Variants in PCDHGA5 observed in about 807,000 individuals in gnomAD.
PCDHGA5 encodes protocadherin gamma subfamily A, 5.
PCDHGA5 carries 36 observed loss-of-function variants against 56.7 expected under a neutral mutation model. That is an observed-to-expected ratio of 0.64 (90% confidence interval 0.49 to 0.84). PCDHGA5 has a LOEUF of 0.84. Ranked by LOEUF, PCDHGA5 falls within the 40% of genes least tolerant of loss-of-function variation. The pLI is 0.00. For missense variants in PCDHGA5, 1,305 were observed against 1,201.5 expected (o/e 1.09, Z -1.27); for synonymous variants, 563 against 520.2 (o/e 1.08, Z -1.12).
intron 1 of PCDHGA5, chr5:141,410,427 A>G (rs746046310): frequency 1.4e-5 from 22 of 1,613,832 alleles, no homozygotes; most frequent in East Asian, 1.1e-4. Flanking sequence ...GTTCCCCCCA[A>G]CTACAGTGAG....
At chr5:141,433,208 CTT>C (rs745329085) in intron 1 of PCDHGA5, 289 of 1,287,502 alleles carry the variant, frequency 2.2e-4, no homozygotes, top group South Asian at 2.8e-4. Context: ...AATCTTCTTT[CTT>C]TTTTTTTTTT....
At position 141,476,786 on chromosome 5, in the gene PCDHGA5, C is replaced by G. The variant is rs2099398607; in HGVS notation, c.2422-18021C>G. 3.1e-6 allele frequency: 5 copies of G among 1,613,444 alleles called. No individual in the cohort carries two copies. The highest frequency in any genetic ancestry group is 1.7e-5 in the Admixed American group (1 of 60,000). ...GGCGTTGGACGGAGGGACCCCAGCTCTCTCCGCCAGCCTGCCTATTCACAT... is the reference window on the plus strand; with the variant it reads ...GGCGTTGGACGGAGGGACCCCAGCTGTCTCCGCCAGCCTGCCTATTCACAT... On this transcript the variant is annotated intron_variant, in intron 1 of 3. Coordinates refer to ENST00000518069, the MANE Select transcript of PCDHGA5 (RefSeq NM_018918.3). The surrounding 1 kb of genome is among the most constrained non-coding windows in gnomAD (Gnocchi z 7.6).
At position 141,490,356 on chromosome 5, in the gene PCDHGA5, T is replaced by C. The variant is rs771968534; in HGVS notation, c.2422-4451T>C. ...CAGTGGGCACAGTAGTGGGGTTGTT[T>C]AATGTGCGAGACCGGGACTCAGGTA... On this transcript the variant is annotated intron_variant, in intron 1 of 3. Coordinates refer to ENST00000518069, the MANE Select transcript of PCDHGA5 (RefSeq NM_018918.3). The surrounding 1 kb of genome is among the most constrained non-coding windows in gnomAD (Gnocchi z 5.4). 1.4e-5 allele frequency: 23 copies of C among 1,614,084 alleles called. No individual in the cohort carries two copies. Among genetic ancestry groups the C allele is most frequent in the Non-Finnish European group, 1.9e-5 (22 of 1,180,038 alleles).
chr5:141,487,810 C>G lies in PCDHGA5; in HGVS notation c.2422-6997C>G, dbSNP rs377060474. ...ATTAACCAGAGTTGTCACAGTTTAGCATTGGGGGCGGGTCATGCCTATATC... is the reference window on the plus strand; with the variant it reads ...ATTAACCAGAGTTGTCACAGTTTAGGATTGGGGGCGGGTCATGCCTATATC... On this transcript the variant is annotated intron_variant, in intron 1 of 3. Coordinates refer to ENST00000518069, the MANE Select transcript of PCDHGA5 (RefSeq NM_018918.3). The surrounding 1 kb of genome is among the most constrained non-coding windows in gnomAD (Gnocchi z 5.0). 7.1e-7 allele frequency: 1 copy of G among 1,417,854 alleles called. No homozygotes were observed. The highest frequency in any genetic ancestry group is 2.1e-5 in the Admixed American group (1 of 47,076). The allele number at this position is 1,417,854 out of a possible 1,614,324, so 87.8% of individuals were successfully genotyped here.
At position 141,485,709 on chromosome 5, in the gene PCDHGA5, C is replaced by A. The variant is rs2099618118; in HGVS notation, c.2422-9098C>A. On this transcript the variant is annotated intron_variant, in intron 1 of 3. Transcript: ENST00000518069. This position sits in a 1 kb window ranked among gnomAD's most constrained non-coding sequence, Gnocchi z 5.7. ...AGGCTGAGCTCCAATGAACACTTTGCACTGGATGTGAAGAAGCGCAGCGAC... is the reference window on the plus strand; with the variant it reads ...AGGCTGAGCTCCAATGAACACTTTGAACTGGATGTGAAGAAGCGCAGCGAC... The A allele has an allele frequency of 1.2e-6, 2 of 1,614,128 alleles. No homozygotes were observed. The highest frequency in any genetic ancestry group is 1.7e-6 in the Non-Finnish European group (2 of 1,180,028).
chr5:141,371,427 C>G lies in PCDHGA5; in HGVS notation c.2421+4676C>G, dbSNP rs773502490. The stretch of plus-strand genomic sequence containing the variant: ...TATTTCAGATGAAAATGACAATGCC[C>G]CGGAGATAACCCTGGCTTCTGAATC... On this transcript the variant is annotated intron_variant, in intron 1 of 3. Transcript: ENST00000518069. 1.9e-6 allele frequency: 3 copies of G among 1,613,898 alleles called. No homozygotes were observed. Among genetic ancestry groups the G allele is most frequent in the South Asian group, 2.2e-5 (2 of 91,072 alleles).
intron 1 of PCDHGA5, among the ~76,000 whole-genome samples, chr5:141,444,229 T>G (rs957213677): frequency 4.6e-5 from 6 of 130,226 alleles, no homozygotes; most frequent in Admixed American, 9.4e-5. Context: ...TGGAGTGCAA[T>G]GGCATGCTCT....
intron 1 of PCDHGA5, chr5:141,398,937 C>T (rs2093727338): frequency 1.9e-6 from 3 of 1,613,902 alleles, no homozygotes; most frequent in Non-Finnish European, 2.5e-6. Flanking sequence ...CTGACCAAGA[C>T]GAGGGCATCA....
intron 1 of PCDHGA5, among the ~76,000 whole-genome samples, chr5:141,456,946 G>A (rs182320066): frequency 2.3e-4 from 35 of 152,284 alleles, no homozygotes; most frequent in Admixed American, 2.3e-3. Context: ...CTGGGCAACA[G>A]AGCAAAACTC....
rs757876687 is a variant in PCDHGA5 at position 141,413,273 on chromosome 5, G to A, written c.2421+46522G>A. On this transcript the variant is annotated intron_variant, in intron 1 of 3. Coordinates refer to ENST00000518069, the MANE Select transcript of PCDHGA5 (RefSeq NM_018918.3). The stretch of plus-strand genomic sequence containing the variant: ...GGGATTCCATGGGAGGCTGGAGCCC[G>A]GCAGATCTCCTACTCAATTCCTGAG... 4.3e-6 allele frequency: 7 copies of A among 1,613,920 alleles called. No homozygotes were observed. The highest frequency in any genetic ancestry group is 5.9e-6 in the Non-Finnish European group (7 of 1,179,902).
chr5:141,463,927 A>G (rs1454864391), intron 1 of PCDHGA5, among the ~76,000 whole-genome samples: 1 of 152,206 alleles, frequency 6.6e-6, no homozygotes, highest in Non-Finnish European at 1.5e-5. Flanking sequence ...AAATCATTCT[A>G]TATAAATTTA....
In PCDHGA5 at chr5:141,410,849, CTTTTTTT is replaced by C. The variant is rs759346998; in HGVS notation, c.2421+44114_2421+44120del. 8.7e-3 allele frequency: 1,205 copies of C among 138,184 alleles called. 49 individuals are homozygous for C. Among genetic ancestry groups the C allele is most frequent in the African/African-American group, 0.064 (1,073 of 16,650 alleles). 8.6% of individuals were successfully genotyped at this position (138,184 alleles called of 1,614,324 possible). ...CAGACTGAAGATATTTTGTCTTTGT[CTTTTTTT>C]TTTTTTTTTTTTTTTGAGATGGAGT... is the stretch of plus-strand genomic sequence containing the variant. On this transcript the variant is annotated intron_variant, in intron 1 of 3. Coordinates refer to ENST00000518069, the MANE Select transcript of PCDHGA5 (RefSeq NM_018918.3).
chr5:141,368,483 A>G (rs1235581862), intron 1 of PCDHGA5, among the ~76,000 whole-genome samples: 1 of 152,210 alleles, frequency 6.6e-6, no homozygotes. Context: ...GAGTAACAAG[A>G]GAATCTATAC....
rs1196083589 is a variant in PCDHGA5, at chr5:141,486,525, A to G, written c.2422-8282A>G. On this transcript the variant is annotated intron_variant, in intron 1 of 3. Coordinates refer to ENST00000518069, the MANE Select transcript of PCDHGA5 (RefSeq NM_018918.3). This position sits in a 1 kb window ranked among gnomAD's most constrained non-coding sequence, Gnocchi z 5.0. ...CTCAATATTTCAGATGTGAATGATA[A>G]TCCACCCTCTTTCTTTCAGAGGTCA... 1 of 1,614,158 alleles carries G rather than the reference A, an allele frequency of 6.2e-7. No individual in the cohort carries two copies. Among genetic ancestry groups the G allele is most frequent in the African/African-American group, 1.3e-5 (1 of 75,054 alleles).
chr5:141,447,541 A>G (rs2098542324), intron 1 of PCDHGA5, among the ~76,000 whole-genome samples: 1 of 152,218 alleles, frequency 6.6e-6, no homozygotes, highest in Non-Finnish European at 1.5e-5. Flanking sequence ...TTGGGTTTTA[A>G]TGTTATGAGT....
chr5:141,372,536 C>T, intron 1 of PCDHGA5: 1 of 1,614,034 alleles, frequency 6.2e-7, no homozygotes, highest in East Asian at 2.2e-5. Flanking sequence ...TCTCCCTGCG[C>T]CTGCGATGCT....
At chr5:141,424,068 G>T in intron 1 of PCDHGA5, 1 of 993,858 alleles carries the variant, frequency 1.0e-6, no homozygotes. Flanking sequence ...TCACTGATTT[G>T]TAGTTATATT....
At chr5:141,455,860 ATTATTTATTTATTTATTTATTTAT>A (rs145569377) in intron 1 of PCDHGA5, among the ~76,000 whole-genome samples, 10 of 139,848 alleles carry the variant, frequency 7.2e-5, no homozygotes, top group Admixed American at 5.1e-4. Flanking sequence ...AATTTCTTTT[ATTATTTATTTATTTATTTATTTAT>A]TTATTTATTT....
At position 141,364,405 on chromosome 5, in the gene PCDHGA5, G is replaced by T; in HGVS notation, c.75G>T (p.Glu25Asp). The change falls in exon 1 of 4, where the codon GAG becomes GAT. Residue 25 changes from glutamate (E) to aspartate (D), a missense_variant. Coordinates refer to ENST00000518069, the MANE Select transcript of PCDHGA5 (RefSeq NM_018918.3). ...LPFMLLGTLC[E>D]PGSGQIRYSM... ...TCATGCTCCTGGGGACGCTGTGCGA[G>T]CCAGGATCCGGGCAGATCCGCTACT... is the stretch of plus-strand genomic sequence containing the variant. The T allele has an allele frequency of 6.2e-7, 1 of 1,609,906 alleles. No homozygotes were observed. The highest frequency in any genetic ancestry group is 8.5e-7 in the Non-Finnish European group (1 of 1,177,748).
Sources: gnomAD v4.1 joint callset for allele counts (sites outside exome capture counted in the v4.1 genomes callset) on GRCh38, gnomAD v4.1.1 for gene constraint, Gnocchi (gnomAD v3.1) non-coding constraint, MANE v1.5 for transcripts, NCBI Gene and HGNC (gene_info 2026-07-23, HGNC 2026-07-21) for gene names.